Variants in ZFP90 observed in about 807,000 individuals in gnomAD.
ZFP90 encodes the protein ZFP90 zinc finger protein, also known as zinc finger protein 90 homolog.
Under a neutral mutation model 60.8 loss-of-function variants are expected in ZFP90, and 38 were observed. The observed-to-expected ratio is 0.62, with a 90% CI of 0.48 to 0.82. The LOEUF is 0.82. ZFP90 is among the 40% of genes least tolerant of loss of function. ZFP90 has a pLI of 0.00. For synonymous variants in ZFP90, 287 were observed against 264.8 expected (o/e 1.08, Z -0.82); for missense variants, 711 against 759.1 (o/e 0.94, Z 0.74).
At chr16:68,546,400 T>G (rs2091150285) in intron 2 of ZFP90, among the ~76,000 whole-genome samples, 1 of 152,212 alleles carries the variant, frequency 6.6e-6, no homozygotes, top group Non-Finnish European at 1.5e-5. Context: ...TACAATCCAT[T>G]AAACAATAAC....
chr16:68,575,927 C>A, exon 3 of ZFP90: 1 of 395,772 alleles, frequency 2.5e-6, no homozygotes, highest in South Asian at 1.3e-4. Context: ...CTGCCCCGTA[C>A]AAGCCATGCA....
At chr16:68,554,344 G>A (rs185789999) in intron 2 of ZFP90, among the ~76,000 whole-genome samples, 4 of 151,998 alleles carry the variant, frequency 2.6e-5, no homozygotes, top group Non-Finnish European at 4.4e-5. Context: ...AGTTTGCCAC[G>A]TTGGCCATGC....
At position 68,564,387 on chromosome 16, in the gene ZFP90, T is replaced by G; in HGVS notation, c.1600T>G (p.Phe534Val). Reference sequence around the variant, plus strand: ...TGAATGTAATGAGTGTGGAGAAGCCTTTAGTCGACGCTCATCGCTTACTCA... The same window carrying G: ...TGAATGTAATGAGTGTGGAGAAGCCGTTAGTCGACGCTCATCGCTTACTCA... The part of the protein sequence containing the change: ...PYECNECGEA[F>V]SRRSSLTQHE... The change falls in exon 5 of 5, where the codon TTT becomes GTT. Residue 534 changes from phenylalanine to valine, a missense_variant. Phe to Val is a conservative substitution (Grantham distance 50, BLOSUM62 -1). Around this residue, in one of 5 missense-constraint regions of ZFP90, gnomAD observed 295 missense variants for 274.0 expected, o/e 1.08. Coordinates refer to ENST00000563169, the MANE Select transcript of ZFP90 (RefSeq NM_001305203.2). The G allele has an allele frequency of 6.2e-7, 1 of 1,614,030 alleles. No individual in the cohort carries two copies. Among genetic ancestry groups the G allele is most frequent in the African/African-American group, 1.3e-5 (1 of 75,036 alleles).
At chr16:68,572,907 A>C (rs1309753677) in intron 2 of ZFP90, among the ~76,000 whole-genome samples, 1 of 152,210 alleles carries the variant, frequency 6.6e-6, no homozygotes, top group Admixed American at 6.5e-5. Flanking sequence ...ATTAGTCCCT[A>C]GCAGCAGAGT....
chr16:68,556,799 G>A (rs1282930538), intron 2 of ZFP90, among the ~76,000 whole-genome samples: 1 of 152,190 alleles, frequency 6.6e-6, no homozygotes, highest in Non-Finnish European at 1.5e-5. Flanking sequence ...GCGATGGATA[G>A]TGGAGGTGCT....
chr16:68,548,993 C>A (rs895889668), intron 2 of ZFP90, among the ~76,000 whole-genome samples: 5 of 152,040 alleles, frequency 3.3e-5, no homozygotes, highest in African/African-American at 1.2e-4. Flanking sequence ...CGAAACAACT[C>A]CTCATTTTCC....
Position 68,564,014 on chromosome 16 carries a change from TTA to T in ZFP90, c.1230_1231del (p.Tyr410Ter). ...GGGCTTTTGGTCAGAGCCCATCCCT[TTA>T]TAAACATATGAGGATTCATAAGAGA... ...GRAFGQSPSL[Y>X]KHMRIHKRGK... is the part of the protein sequence containing the mutation. On this transcript the variant is annotated frameshift_variant, in exon 5 of 5. Coordinates refer to ENST00000563169, the MANE Select transcript of ZFP90 (RefSeq NM_001305203.2). LOFTEE classifies it high-confidence loss of function. 6.2e-7 allele frequency: 1 copy of T among 1,613,930 alleles called. No individual in the cohort carries two copies. The highest frequency in any genetic ancestry group is 8.5e-7 in the Non-Finnish European group (1 of 1,179,968).
At position 68,563,795 on chromosome 16, in the gene ZFP90, A is replaced by G; in HGVS notation, c.1008A>G (p.Lys336=). ...VQHQRIHTGE[K]PYRCNLCGRS... ...ACCAGCGAATTCACACTGGAGAGAA[A>G]CCCTATCGATGTAATCTATGTGGGA... is the stretch of plus-strand genomic sequence containing the variant. Residue 336 remains lysine, a synonymous_variant, in exon 5 of 5, where the codon AAA becomes AAG. Coordinates refer to ENST00000563169, the MANE Select transcript of ZFP90 (RefSeq NM_001305203.2). 2 of 1,614,074 alleles carry G rather than the reference A, an allele frequency of 1.2e-6. No individual in the cohort carries two copies. Among genetic ancestry groups the G allele is most frequent in the Non-Finnish European group, 1.7e-6 (2 of 1,180,006 alleles).
chr16:68,572,127 G>A (rs1320771131), downstream of ZFP90, among the ~76,000 whole-genome samples: 4 of 151,406 alleles, frequency 2.6e-5, no homozygotes, highest in South Asian at 2.1e-4. Context: ...GTCCTTAGTC[G>A]CCCAAGCAGC....
At chr16:68,572,213 C>T (rs551975607) in intron 2 of ZFP90, among the ~76,000 whole-genome samples, 111 of 151,604 alleles carry the variant, frequency 7.3e-4, no homozygotes, top group African/African-American at 2.6e-3. Context: ...GTAGCAGACA[C>T]ACTAAAAGAC....
At chr16:68,553,336 G>A (rs538941383) in intron 2 of ZFP90, among the ~76,000 whole-genome samples, 25 of 152,232 alleles carry the variant, frequency 1.6e-4, no homozygotes, top group Admixed American at 5.9e-4. Context: ...GGGGAGCCAC[G>A]GGCGTACATG....
downstream of ZFP90, among the ~76,000 whole-genome samples, chr16:68,571,459 A>G (rs2091567505): frequency 6.6e-6 from 1 of 152,234 alleles, no homozygotes; most frequent in Non-Finnish European, 1.5e-5. Context: ...AAACTCATTT[A>G]CAGTTAAAGT....
At position 68,539,728 on chromosome 16, in the gene ZFP90, G is replaced by C. The variant is rs2152052001; in HGVS notation, c.-35-30G>C. ...GCGGGGTGGGGTCGGTGTTGCAGCG[G>C]GGTGAGTGGGCCCTGTCCTTTCTCC... On this transcript the variant is annotated intron_variant, in intron 1 of 4. Coordinates refer to ENST00000563169, the MANE Select transcript of ZFP90 (RefSeq NM_001305203.2). 4 of 1,504,004 alleles carry C rather than the reference G, an allele frequency of 2.7e-6. No homozygotes were observed. In the East Asian group the frequency reaches 7.5e-5, roughly 28 times the overall value. 93.2% of individuals were successfully genotyped at this position (1,504,004 alleles called of 1,614,324 possible).
At chr16:68,544,655 C>G (rs758796741) in intron 2 of ZFP90, among the ~76,000 whole-genome samples, 3 of 152,068 alleles carry the variant, frequency 2.0e-5, no homozygotes, top group Non-Finnish European at 4.4e-5. Context: ...CAAGATGCTT[C>G]TGGGGCCACC....
intron 2 of ZFP90, among the ~76,000 whole-genome samples, chr16:68,545,381 AGCACAAAT>A (rs1204283408): frequency 3.9e-5 from 6 of 152,214 alleles, no homozygotes; most frequent in Non-Finnish European, 8.8e-5. Context: ...CTACTAATAT[AGCACAAAT>A]TATATTTTCC....
chr16:68,562,897 T>C (rs1408292022), intron 4 of ZFP90, 147 bp from the exon 5 acceptor site: 9 of 1,524,362 alleles, frequency 5.9e-6, no homozygotes, highest in South Asian at 2.4e-5. Flanking sequence ...ACTTTTCCTT[T>C]TCTCCATTTT....
intron 2 of ZFP90, among the ~76,000 whole-genome samples, chr16:68,542,911 T>G (rs1454175738): frequency 6.6e-6 from 1 of 152,132 alleles, no homozygotes; most frequent in Non-Finnish European, 1.5e-5. Flanking sequence ...CTCAAGGAGC[T>G]TACATTCTAG....
chr16:68,543,021 G>T (rs1017470125), intron 2 of ZFP90, among the ~76,000 whole-genome samples: 2 of 152,140 alleles, frequency 1.3e-5, no homozygotes, highest in East Asian at 3.9e-4. Flanking sequence ...AGGTAAGGGG[G>T]TCTGAGTGGG....
chr16:68,548,721 C>A (rs2091200754), intron 2 of ZFP90, among the ~76,000 whole-genome samples: 1 of 152,014 alleles, frequency 6.6e-6, no homozygotes, highest in Admixed American at 6.6e-5. Context: ...AACTCCCGAC[C>A]TCAGGTGATT....
Sources: allele counts gnomAD v4.1 joint callset (sites outside exome capture counted in the v4.1 genomes callset), GRCh38; gene constraint gnomAD v4.1.1; regional missense constraint gnomAD v4.1.1; transcripts MANE v1.5; gene names NCBI Gene and HGNC (gene_info 2026-07-23, HGNC 2026-07-21).